The following KRT20 variants were observed in gnomAD, a reference collection of about 807,000 sequenced individuals.
KRT20 encodes keratin 20, also known as keratin, type I cytoskeletal 20.
In KRT20, 41 loss-of-function variants were observed where a neutral mutation model predicts 43.0. That is an observed-to-expected ratio of 0.95 (90% confidence interval 0.74 to 1.24). The LOEUF (loss-of-function observed/expected upper bound fraction) is 1.24. Among genes scored for constraint, KRT20 ranks in the 50% most tolerant of loss-of-function variants. KRT20 has a pLI of 0.00. For synonymous variants in KRT20, 207 were observed against 200.6 expected (o/e 1.03, Z -0.27); for missense variants, 533 against 521.2 (o/e 1.02, Z -0.22).
Position 40,878,343 on chromosome 17 carries a change from A to G in KRT20, c.941T>C (p.Leu314Pro), listed in dbSNP as rs1258470853. The change falls in exon 6 of 8, where the codon CTA becomes CCA. Residue 314 changes from leucine to proline, a missense_variant. Leu to Pro is a moderately conservative substitution (Grantham distance 98). Transcript: ENST00000167588. Reference protein sequence around the residue: ...LSMKESLEHTLEETKARYSSQ... With the variant: ...LSMKESLEHTPEETKARYSSQ... ...GCTGTAACGGGCCTTGGTCTCCTCT[A>G]GAGTGTGCTCCAAAGACTCTTTCTA... is the stretch of plus-strand genomic sequence containing the variant. 1 of 1,613,984 alleles carries G rather than the reference A, an allele frequency of 6.2e-7. No homozygotes were observed. Among genetic ancestry groups the G allele is most frequent in the Admixed American group, 1.7e-5 (1 of 59,998 alleles).
rs1347619715 is a variant in KRT20 at position 40,878,274 on chromosome 17, G to C, written c.1010C>G (p.Ala337Gly). ...GTTACTCCGAATCTGCATCAGTTGGGCCTCCAGAGAGCTCAACAGCGACTG... is the reference window on the plus strand; with the variant it reads ...GTTACTCCGAATCTGCATCAGTTGGCCCTCCAGAGAGCTCAACAGCGACTG... ...NLQSLLSSLEAQLMQIRSNME... is the reference protein window; with the variant it reads ...NLQSLLSSLEGQLMQIRSNME... The change falls in exon 6 of 8, where the codon GCC (alanine) becomes GGC (glycine). Residue 337 changes from alanine (A) to glycine (G), a missense_variant. Transcript: ENST00000167588. The C allele has an allele frequency of 6.2e-7, 1 of 1,614,126 alleles. No individual in the cohort carries two copies. Among genetic ancestry groups the C allele is most frequent in the Admixed American group, 1.7e-5 (1 of 60,024 alleles).
At chr17:40,883,237 A>G (rs1203135845) in intron 1 of KRT20, among the ~76,000 whole-genome samples, 1 of 152,220 alleles carries the variant, frequency 6.6e-6, no homozygotes, top group Non-Finnish European at 1.5e-5. Flanking sequence ...ATTTAACTCA[A>G]CTTGAGTCAT....
At chr17:40,880,806 T>G in intron 2 of KRT20, 36 bp from the exon 3 acceptor site, 1 of 1,435,938 alleles carries the variant, frequency 7.0e-7, no homozygotes, top group South Asian at 1.6e-5. Context: ...TAACTGGTCC[T>G]TCTGAAGCCA....
At chr17:40,881,889 T>TTTC (rs1907615550) in intron 2 of KRT20, among the ~76,000 whole-genome samples, 2 of 151,812 alleles carry the variant, frequency 1.3e-5, no homozygotes, top group Admixed American at 6.6e-5. Context: ...CTTTTTTTTT[T>TTTC]TGAGACAAGG....
At chr17:40,877,457 A>G (rs1907399018) in intron 6 of KRT20, 40 bp from the exon 7 acceptor site, 18 of 1,324,990 alleles carry the variant, frequency 1.4e-5, no homozygotes, top group Non-Finnish European at 1.6e-5. Flanking sequence ...AAAGAAACAG[A>G]AAAAAGCATT....
In KRT20 at chr17:40,882,631, AT is replaced by A. The variant is rs772689776; in HGVS notation, c.413del (p.Asn138MetfsTer20). 93 of 1,552,050 alleles carry A rather than the reference AT, an allele frequency of 6.0e-5. 3 individuals carry two copies. The South Asian group carries it at 9.7e-4, about 16-fold the overall frequency. On this transcript the variant is annotated frameshift_variant, in exon 2 of 8. Coordinates refer to ENST00000167588, the MANE Select transcript of KRT20 (RefSeq NM_019010.3). ...TATCAATTTGCAGGACACACCGAGC[AT>A]TTTGCAGTTGAGCATCCTTAATCTG... The part of the protein sequence containing the change: ...RSQIKDAQLQ[N>X]ARCVLQIDNA...
chr17:40,876,854 A>C (rs1215417524), intron 7 of KRT20, among the ~76,000 whole-genome samples: 1 of 152,170 alleles, frequency 6.6e-6, no homozygotes, highest in African/African-American at 2.4e-5. Flanking sequence ...GATTTTTAGA[A>C]TCCCTGGTGT....
intron 5 of KRT20, among the ~76,000 whole-genome samples, chr17:40,879,321 T>G (rs16966376): frequency 0.11 from 16,994 of 152,216 alleles, 1,143 homozygotes; most frequent in African/African-American, 0.18. Context: ...CCATTCTCCA[T>G]CTTAAAATTT....
At chr17:40,879,256 C>T (rs776604431) in intron 5 of KRT20, among the ~76,000 whole-genome samples, 14 of 152,280 alleles carry the variant, frequency 9.2e-5, no homozygotes, top group Non-Finnish European at 1.6e-4. Context: ...TTCTGCTTAC[C>T]ACAACATAAT....
chr17:40,878,663 C>A (rs1567752675), intron 5 of KRT20, among the ~76,000 whole-genome samples: 1 of 152,204 alleles, frequency 6.6e-6, no homozygotes, highest in Non-Finnish European at 1.5e-5. Context: ...ATACCTCTCA[C>A]TCCTTCATCA....
intron 6 of KRT20, among the ~76,000 whole-genome samples, 163 bp from the exon 7 acceptor site, chr17:40,877,580 G>A (rs1239857261): frequency 6.6e-6 from 1 of 152,022 alleles, no homozygotes; most frequent in African/African-American, 2.4e-5. Flanking sequence ...TTGCAAACTT[G>A]AGCATTTTAC....
Position 40,883,312 on chromosome 17 carries a change from T to G in KRT20, c.391-658A>C, listed in dbSNP as rs577045201. ...AGGACATTTCTTTTAGCCCCTGTGGTCTGGTGAACTCCCATTCCTCCCTCA... is the reference window on the plus strand; with the variant it reads ...AGGACATTTCTTTTAGCCCCTGTGGGCTGGTGAACTCCCATTCCTCCCTCA... On this transcript the variant is annotated intron_variant, in intron 1 of 7. Transcript: ENST00000167588. 2.6e-5 allele frequency among the ~76,000 whole-genome samples: 4 copies of G among 152,300 alleles called. No homozygotes were observed. The South Asian group carries it at 8.3e-4, about 32-fold the overall frequency.
intron 2 of KRT20, among the ~76,000 whole-genome samples, chr17:40,881,690 T>C (rs1259980197): frequency 2.6e-5 from 4 of 152,190 alleles, no homozygotes; most frequent in Non-Finnish European, 5.9e-5. Context: ...TGTTAATCCC[T>C]TGGAGCATTA....
intron 5 of KRT20, among the ~76,000 whole-genome samples, chr17:40,879,174 A>G (rs1907478186): frequency 6.6e-6 from 1 of 151,460 alleles, no homozygotes; most frequent in South Asian, 2.1e-4. Context: ...CTACCCCTTT[A>G]GCCTTGCCCT....
intron 1 of KRT20, among the ~76,000 whole-genome samples, chr17:40,883,401 A>T (rs1224567476): frequency 6.6e-6 from 1 of 152,162 alleles, no homozygotes; most frequent in Admixed American, 6.5e-5. Flanking sequence ...ACTGAACTGG[A>T]TGATCTGCCT....
At position 40,884,795 on chromosome 17, in the gene KRT20, C is replaced by T. The variant is rs1221754237; in HGVS notation, c.390+1G>A. ...TAGGAAACACAAGCATCATCTCTCA[C>T]CTGACTTCGCAGCTCTTCAATTTGT... On this transcript the variant is annotated splice_donor_variant, in intron 1 of 7. Coordinates refer to ENST00000167588, the MANE Select transcript of KRT20 (RefSeq NM_019010.3). LOFTEE classifies it high-confidence loss of function. The T allele has an allele frequency of 5.0e-6, 8 of 1,610,288 alleles. No homozygotes were observed. The highest frequency in any genetic ancestry group is 6.8e-6 in the Non-Finnish European group (8 of 1,177,410).
At chr17:40,880,319 G>C in intron 3 of KRT20, 58 bp from the exon 4 acceptor site, 1 of 1,482,854 alleles carries the variant, frequency 6.7e-7, no homozygotes, top group Non-Finnish European at 9.1e-7. Context: ...AGATAAGGCT[G>C]GGCAGAAAAG....
chr17:40,877,420 G>GC lies in KRT20; in HGVS notation c.1140-4_1140-3insG. On this transcript the variant is annotated splice_region_variant and splice_polypyrimidine_tract_variant and intron_variant, in intron 6 of 7. Coordinates refer to ENST00000167588, the MANE Select transcript of KRT20 (RefSeq NM_019010.3). ...TGCTTAACTGATATTCTGTAGTTCT[G>GC]TTTTTTTTTTTAATGAAAAGAAGAA... 8.2e-7 allele frequency: 1 copy of GC among 1,219,378 alleles called. No homozygotes were observed. The highest frequency in any genetic ancestry group is 1.1e-6 in the Non-Finnish European group (1 of 915,726). 75.5% of individuals were successfully genotyped at this position (1,219,378 alleles called of 1,614,324 possible).
intron 1 of KRT20, among the ~76,000 whole-genome samples, chr17:40,884,562 A>C (rs912515258): frequency 3.9e-5 from 6 of 152,220 alleles, no homozygotes; most frequent in Admixed American, 1.3e-4. Context: ...CGGAGGATAA[A>C]ATGTTCATAT....
Sources: gnomAD v4.1 joint callset for allele counts (sites outside exome capture counted in the v4.1 genomes callset) on GRCh38, gnomAD v4.1.1 for gene constraint, MANE v1.5 for transcripts, NCBI Gene and HGNC (gene_info 2026-07-23, HGNC 2026-07-21) for gene names.